The following EYS variants were observed in gnomAD, a reference collection of about 807,000 sequenced individuals.
The protein encoded by EYS is protein eyes shut homolog.
Under a neutral mutation model 282.1 loss-of-function variants are expected in EYS, and 250 were observed. The observed-to-expected ratio is 0.89, with a 90% confidence interval of 0.80 to 0.98. EYS has a LOEUF of 0.98. Ranked by LOEUF, EYS falls within the 50% of genes least tolerant of loss-of-function variation. EYS has a pLI of 0.00. For synonymous variants in EYS, 1,355 were observed against 1,282.9 expected (o/e 1.06, Z -1.20); for missense variants, 4,016 against 3,709.0 (o/e 1.08, Z -2.15).
intron 19 of EYS, among the ~76,000 whole-genome samples, chr6:64,879,988 C>T (rs1483577578): frequency 6.6e-6 from 1 of 151,920 alleles, no homozygotes; most frequent in African/African-American, 2.4e-5. Flanking sequence ...ATTATTCTCC[C>T]ACCTCCTCAC....
intron 22 of EYS, among the ~76,000 whole-genome samples, chr6:64,721,839 T>A (rs2149943789): frequency 6.6e-6 from 1 of 152,298 alleles, no homozygotes; most frequent in Non-Finnish European, 1.5e-5. Flanking sequence ...TTTAGTTCCA[T>A]CGCATCTAGG....
At chr6:64,253,831 C>T (rs200530610) in intron 30 of EYS, among the ~76,000 whole-genome samples, 47,384 of 151,718 alleles carry the variant, frequency 0.31, 7,405 homozygotes, top group East Asian at 0.51. Flanking sequence ...ATCTTTTCTT[C>T]CCCCCAAAAG....
intron 1 of EYS, among the ~76,000 whole-genome samples, chr6:65,704,584 T>A (rs1226739373): frequency 6.6e-6 from 1 of 152,220 alleles, no homozygotes; most frequent in African/African-American, 2.4e-5. Flanking sequence ...AATAATAGAC[T>A]GTTATACATT....
chr6:64,117,824 CT>C (rs1345260594), intron 31 of EYS, among the ~76,000 whole-genome samples: 1 of 151,918 alleles, frequency 6.6e-6, no homozygotes, highest in Non-Finnish European at 1.5e-5. Context: ...TCACCAAAAC[CT>C]CTTAGAACTG....
intron 31 of EYS, among the ~76,000 whole-genome samples, chr6:64,192,606 G>A (rs1358602532): frequency 6.6e-6 from 1 of 152,076 alleles, no homozygotes; most frequent in East Asian, 1.9e-4. Flanking sequence ...AATAAATGGT[G>A]CTGGGAAAAC....
chr6:65,438,051 C>T (rs1234176983), intron 5 of EYS, among the ~76,000 whole-genome samples: 2 of 146,234 alleles, frequency 1.4e-5, no homozygotes, highest in African/African-American at 5.1e-5. Flanking sequence ...GTTCCCTGCC[C>T]TGTGTCCAAG....
At chr6:64,571,296 A>G (rs1230635276) in intron 26 of EYS, among the ~76,000 whole-genome samples, 2 of 152,228 alleles carry the variant, frequency 1.3e-5, no homozygotes, top group East Asian at 3.9e-4. Flanking sequence ...AGGGAAATTT[A>G]TACCACTAAA....
At chr6:64,055,461 T>C (rs1312383121) in intron 33 of EYS, among the ~76,000 whole-genome samples, 1 of 152,174 alleles carries the variant, frequency 6.6e-6, no homozygotes, top group East Asian at 1.9e-4. Flanking sequence ...AGATCCTTTG[T>C]AGTTATACAA....
intron 19 of EYS, among the ~76,000 whole-genome samples, chr6:64,853,803 T>G (rs1765961050): frequency 6.6e-6 from 1 of 151,792 alleles, no homozygotes; most frequent in Non-Finnish European, 1.5e-5. Flanking sequence ...AACATCAGAG[T>G]GAACAGGCAA....
At chr6:65,321,188 G>A (rs1769466226) in intron 11 of EYS, among the ~76,000 whole-genome samples, 1 of 150,234 alleles carries the variant, frequency 6.7e-6, no homozygotes. Context: ...TCTGAGAAAT[G>A]GATTAACATG....
chr6:63,802,373 A>G (rs184138429), intron 37 of EYS, among the ~76,000 whole-genome samples: 2 of 152,162 alleles, frequency 1.3e-5, no homozygotes, highest in African/African-American at 4.8e-5. Context: ...TAGATGACAG[A>G]TTGATAGATG....
At chr6:64,405,162 T>A (rs1479957971) in intron 28 of EYS, among the ~76,000 whole-genome samples, 1 of 152,114 alleles carries the variant, frequency 6.6e-6, no homozygotes, top group South Asian at 2.1e-4. Flanking sequence ...CAGGCCCCAG[T>A]GTCACATTCA....
chr6:64,187,437 G>A (rs565489876), intron 31 of EYS, among the ~76,000 whole-genome samples: 52 of 152,064 alleles, frequency 3.4e-4, no homozygotes, highest in African/African-American at 1.1e-3. Flanking sequence ...GAGATTTAAC[G>A]TATTTCTTTG....
At chr6:65,541,219 C>T (rs1203514269) in intron 2 of EYS, among the ~76,000 whole-genome samples, 4 of 152,084 alleles carry the variant, frequency 2.6e-5, no homozygotes, top group Admixed American at 1.3e-4. Flanking sequence ...AACTATGTTC[C>T]TTTAATCTAA....
intron 26 of EYS, among the ~76,000 whole-genome samples, chr6:64,551,416 C>T (rs188340783): frequency 5.3e-4 from 81 of 151,936 alleles, no homozygotes; most frequent in African/African-American, 1.9e-3. Flanking sequence ...TTTGCCTATT[C>T]TTCTTACTAC....
At chr6:64,091,535 G>C (rs139184066) in intron 31 of EYS, among the ~76,000 whole-genome samples, 44 of 152,252 alleles carry the variant, frequency 2.9e-4, no homozygotes, top group African/African-American at 1.0e-3. Context: ...GGGCATGCAG[G>C]ACTGACTTCA....
At chr6:64,702,828 A>G (rs938383218) in intron 22 of EYS, among the ~76,000 whole-genome samples, 10 of 152,292 alleles carry the variant, frequency 6.6e-5, no homozygotes, top group Admixed American at 5.2e-4. Context: ...ATACAGAAAT[A>G]ACTAAAGTTT....
At chr6:63,750,668 A>G (rs543132017) in intron 41 of EYS, among the ~76,000 whole-genome samples, 2 of 152,338 alleles carry the variant, frequency 1.3e-5, no homozygotes, top group East Asian at 3.9e-4. Flanking sequence ...ACTCATATAG[A>G]GGATTCCTTC....
chr6:64,018,001 TGCAGTA>T, intron 33 of EYS, among the ~76,000 whole-genome samples: 1 of 152,362 alleles, frequency 6.6e-6, no homozygotes, highest in East Asian at 1.9e-4. Context: ...CAGAGATCCA[TGCAGTA>T]GCATTTCTAC....
Sources: allele counts gnomAD v4.1 joint callset (sites outside exome capture counted in the v4.1 genomes callset), GRCh38; gene constraint gnomAD v4.1.1; transcripts MANE v1.5; gene names NCBI Gene and HGNC (gene_info 2026-07-23, HGNC 2026-07-21).